Variants in RANBP17 observed in about 807,000 individuals in gnomAD.
The protein encoded by RANBP17 is ran-binding protein 17.
Under a neutral mutation model 141.2 loss-of-function variants are expected in RANBP17, and 158 were observed. The ratio of observed to expected loss-of-function variants is 1.12; its 90% confidence interval spans 0.98 to 1.28. The LOEUF is 1.28. RANBP17 is among the 50% of genes most tolerant of loss of function. RANBP17 has a pLI of 0.00. For missense variants in RANBP17, 1,438 were observed against 1,290.7 expected, an observed-to-expected ratio of 1.11 and a Z score of -1.75; for synonymous variants, 430 against 450.0, an observed-to-expected ratio of 0.96 and a Z score of 0.56.
intron 14 of RANBP17, among the ~76,000 whole-genome samples, chr5:171,052,394 GT>G (rs1783010144): frequency 6.6e-6 from 1 of 151,914 alleles, no homozygotes; most frequent in Non-Finnish European, 1.5e-5. Flanking sequence ...CTTGTATTTT[GT>G]ATAGGGTGTG....
At chr5:171,154,098 GTT>G (rs70982325) in intron 14 of RANBP17, among the ~76,000 whole-genome samples, 7,309 of 130,194 alleles carry the variant, frequency 0.056, 220 homozygotes, top group African/African-American at 0.088. Flanking sequence ...GTTCACTTTA[GTT>G]TTTTTTTTTT....
chr5:170,981,664 C>T (rs1365447100), intron 14 of RANBP17, among the ~76,000 whole-genome samples: 2 of 151,986 alleles, frequency 1.3e-5, no homozygotes, highest in Admixed American at 1.3e-4. Context: ...ACTGTAAGTC[C>T]GTAAACCTCT....
intron 21 of RANBP17, among the ~76,000 whole-genome samples, chr5:171,215,864 A>T (rs1763183251): frequency 6.6e-6 from 1 of 151,850 alleles, no homozygotes; most frequent in South Asian, 2.1e-4. Flanking sequence ...TTGCCTGTTC[A>T]CTCTGATGAT....
At position 171,219,318 on chromosome 5, in the gene RANBP17, T is replaced by G. The variant is rs142811368; in HGVS notation, c.2340-2440T>G. Reference sequence around the variant, plus strand: ...ACCTGACCTCTCTCTCTGGCTGCCCTTAACATTTTTTCCTTCGTTTCAACC... The same window carrying G: ...ACCTGACCTCTCTCTCTGGCTGCCCGTAACATTTTTTCCTTCGTTTCAACC... On this transcript the variant is annotated intron_variant, in intron 21 of 27. Transcript: ENST00000523189. Among the ~76,000 whole-genome samples the G allele has an allele frequency of 8.5e-5, 13 of 152,314 alleles. 1 individual carries two copies. In the East Asian group the frequency reaches 2.3e-3, roughly 27 times the overall value.
chr5:170,986,696 T>C (rs1036074761), intron 14 of RANBP17, among the ~76,000 whole-genome samples: 1 of 151,960 alleles, frequency 6.6e-6, no homozygotes, highest in African/African-American at 2.4e-5. Context: ...TCAAGCTTTA[T>C]CTGTGTATAT....
At chr5:171,041,183 C>T (rs1280224144) in intron 14 of RANBP17, among the ~76,000 whole-genome samples, 3 of 152,016 alleles carry the variant, frequency 2.0e-5, no homozygotes, top group Non-Finnish European at 2.9e-5. Flanking sequence ...GTGAGTGATG[C>T]AAGAGAGAGG....
At chr5:171,186,441 C>T in intron 18 of RANBP17, among the ~76,000 whole-genome samples, 1 of 151,840 alleles carries the variant, frequency 6.6e-6, no homozygotes. Context: ...GCAACTTCCT[C>T]ACCTCTCAGC....
intron 14 of RANBP17, among the ~76,000 whole-genome samples, chr5:171,092,919 G>A (rs558692040): frequency 1.2e-4 from 19 of 152,292 alleles, no homozygotes; most frequent in African/African-American, 4.3e-4. Context: ...TTTGGTTTGT[G>A]TTGCATATTA....
intron 14 of RANBP17, among the ~76,000 whole-genome samples, chr5:171,120,165 G>A (rs888012579): frequency 6.6e-6 from 1 of 151,930 alleles, no homozygotes; most frequent in African/African-American, 2.4e-5. Context: ...CCAAACAAAT[G>A]GAGTCTCTCT....
chr5:171,146,158 A>G (rs1212232933), intron 14 of RANBP17, among the ~76,000 whole-genome samples: 1 of 152,196 alleles, frequency 6.6e-6, no homozygotes, highest in African/African-American at 2.4e-5. Flanking sequence ...CTCTAAGGTA[A>G]CAAATAAGGA....
intron 25 of RANBP17, among the ~76,000 whole-genome samples, chr5:171,273,895 G>T (rs904285035): frequency 2.6e-5 from 4 of 151,972 alleles, no homozygotes; most frequent in African/African-American, 9.7e-5. Flanking sequence ...GGCTTTGGGG[G>T]TTATTTCTTA....
At chr5:171,263,919 A>G (rs554351368) in intron 24 of RANBP17, among the ~76,000 whole-genome samples, 19 of 152,050 alleles carry the variant, frequency 1.2e-4, no homozygotes, top group Non-Finnish European at 2.5e-4. Flanking sequence ...AAAAGTAGCC[A>G]GGCATGGTAG....
intron 14 of RANBP17, among the ~76,000 whole-genome samples, chr5:171,082,475 A>G (rs1046159932): frequency 3.3e-5 from 5 of 152,166 alleles, no homozygotes; most frequent in African/African-American, 4.8e-5. Context: ...GGCAGAAGCT[A>G]TAATCAATGT....
At chr5:171,107,411 G>T (rs1463975908) in intron 14 of RANBP17, among the ~76,000 whole-genome samples, 1 of 152,192 alleles carries the variant, frequency 6.6e-6, no homozygotes, top group Non-Finnish European at 1.5e-5. Flanking sequence ...TGAGTATTGA[G>T]TGCAAGCAAC....
rs569990619 is a variant in RANBP17, at chr5:171,062,906, C to T, written c.1710+94529C>T. Among the ~76,000 whole-genome samples the T allele has an allele frequency of 4.5e-3, 684 of 152,088 alleles. 5 individuals are homozygous for T. Among genetic ancestry groups the T allele is most frequent in the African/African-American group, 0.016 (656 of 41,492 alleles). Reference sequence around the variant, plus strand: ...ACTTCCCTTCTCACTTCATTTCATTCATTTCATCTTCCATCACTGATACCC... The same window carrying T: ...ACTTCCCTTCTCACTTCATTTCATTTATTTCATCTTCCATCACTGATACCC... On this transcript the variant is annotated intron_variant, in intron 14 of 27. Transcript: ENST00000523189.
At chr5:171,123,955 A>G (rs1363076856) in intron 14 of RANBP17, among the ~76,000 whole-genome samples, 1 of 152,250 alleles carries the variant, frequency 6.6e-6, no homozygotes, top group Non-Finnish European at 1.5e-5. Flanking sequence ...ACATAAGGAC[A>G]TGAGAAACAT....
chr5:171,141,484 G>A lies in RANBP17; in HGVS notation c.1711-28646G>A, dbSNP rs369236845. ...TAGCCAGGCGTGGTGGTGGGCACCTGTAGCGCCAGCTTCTGGGGAGGCGGA... is the reference window on the plus strand; with the variant it reads ...TAGCCAGGCGTGGTGGTGGGCACCTATAGCGCCAGCTTCTGGGGAGGCGGA... On this transcript the variant is annotated intron_variant, in intron 14 of 27. Transcript: ENST00000523189. Among the ~76,000 whole-genome samples the A allele has an allele frequency of 1.3e-3, 195 of 151,354 alleles. 9 individuals carry two copies. In the South Asian group the frequency reaches 0.039, roughly 30 times the overall value.
chr5:170,911,451 T>A, intron 7 of RANBP17: 1 of 659,338 alleles, frequency 1.5e-6, no homozygotes, highest in Middle Eastern at 4.2e-4. Flanking sequence ...TGGGACAGGA[T>A]CCCACTCTGT....
chr5:170,902,171 G>T lies in RANBP17; in HGVS notation c.489+6056G>T, dbSNP rs184677606. ...TTTCAGGTACACCAATCAAACATAG[G>T]TTTGGCCTTTTCACATAGTCCCATA... On this transcript the variant is annotated intron_variant, in intron 5 of 27. Coordinates refer to ENST00000523189, the MANE Select transcript of RANBP17 (RefSeq NM_022897.5). Among the ~76,000 whole-genome samples the T allele has an allele frequency of 1.8e-3, 271 of 152,162 alleles. 1 individual carries two copies. The highest frequency in any genetic ancestry group is 6.4e-3 in the African/African-American group (265 of 41,522).
Sources: allele counts gnomAD v4.1 joint callset (sites outside exome capture counted in the v4.1 genomes callset), GRCh38; gene constraint gnomAD v4.1.1; transcripts MANE v1.5; gene names NCBI Gene and HGNC (gene_info 2026-07-23, HGNC 2026-07-21).